Variants in TWSG1 observed in about 807,000 individuals in gnomAD.
The protein encoded by TWSG1 is twisted gastrulation protein homolog 1.
Under a neutral mutation model 23.0 loss-of-function variants are expected in TWSG1, and 15 were observed. That is an observed-to-expected ratio of 0.65 (90% confidence interval 0.44 to 1.00). The LOEUF (loss-of-function observed/expected upper bound fraction) is 1.00. TWSG1 is among the 50% of genes least tolerant of loss of function. The pLI is 0.00. For synonymous variants in TWSG1, 86 were observed against 92.8 expected (o/e 0.93, Z 0.42); for missense variants, 242 against 278.7 (o/e 0.87, Z 0.94).
In TWSG1 at chr18:9,364,859, T is replaced by C. The variant is rs551983330; in HGVS notation, c.223+4788T>C. Among the ~76,000 whole-genome samples, 4 of 152,282 alleles carry C rather than the reference T, an allele frequency of 2.6e-5. No homozygotes were observed. In the East Asian group the frequency reaches 7.7e-4, roughly 29 times the overall value. ...GATTTTCTATTTTTATCATTACTTC[T>C]GCAGTTATTAGCTGGAATTTTTCTG... On this transcript the variant is annotated intron_variant, in intron 3 of 4. Transcript: ENST00000262120.
At chr18:9,387,049 G>GAAGGAAGCAATAA (rs1341808644) in intron 3 of TWSG1, among the ~76,000 whole-genome samples, 1 of 152,222 alleles carries the variant, frequency 6.6e-6, no homozygotes, top group African/African-American at 2.4e-5. Context: ...AACATGGGTT[G>GAAGGAAGCAATAA]AAGGAAGCAA....
chr18:9,386,318 G>A (rs1378247716), intron 3 of TWSG1, among the ~76,000 whole-genome samples: 3 of 151,694 alleles, frequency 2.0e-5, no homozygotes, highest in African/African-American at 7.3e-5. Flanking sequence ...AAATTAGCCG[G>A]GCGTGGTAGT....
At chr18:9,359,516 A>G (rs1369133312) in intron 2 of TWSG1, among the ~76,000 whole-genome samples, 1 of 152,228 alleles carries the variant, frequency 6.6e-6, no homozygotes, top group Non-Finnish European at 1.5e-5. Context: ...ATAATCTACC[A>G]TACCAAGCAC....
intron 4 of TWSG1, among the ~76,000 whole-genome samples, chr18:9,398,064 A>G (rs971416083): frequency 1.3e-5 from 2 of 151,774 alleles, no homozygotes; most frequent in Non-Finnish European, 2.9e-5. Flanking sequence ...TTCGAACATT[A>G]ATAGTAAAAG....
intron 2 of TWSG1, among the ~76,000 whole-genome samples, chr18:9,351,622 G>GTTTTTTTTTTTTTTTTGTTTTTTT (rs2040502259): frequency 8.6e-6 from 1 of 116,608 alleles, no homozygotes; most frequent in African/African-American, 3.1e-5. Context: ...ACCATGCTGG[G>GTTTTTTTTTTTTTTTTGTTTTTTT]TTTTTTTTTT....
At chr18:9,365,167 A>G (rs2040572002) in intron 3 of TWSG1, among the ~76,000 whole-genome samples, 1 of 151,620 alleles carries the variant, frequency 6.6e-6, no homozygotes, top group Admixed American at 6.6e-5. Flanking sequence ...CCAAAAATAA[A>G]AATTAATTAG....
At chr18:9,383,817 A>G (rs1300161189) in intron 3 of TWSG1, among the ~76,000 whole-genome samples, 1 of 152,174 alleles carries the variant, frequency 6.6e-6, no homozygotes, top group Non-Finnish European at 1.5e-5. Flanking sequence ...GTGTTGAGTG[A>G]ATCTTTGATG....
At chr18:9,363,037 C>T (rs188212930) in intron 3 of TWSG1, among the ~76,000 whole-genome samples, 11 of 152,322 alleles carry the variant, frequency 7.2e-5, no homozygotes, top group Admixed American at 2.0e-4. Flanking sequence ...GCCGCTGCTC[C>T]TCCTTCCTAA....
chr18:9,336,324 G>A (rs1474047782), intron 1 of TWSG1, among the ~76,000 whole-genome samples: 1 of 151,900 alleles, frequency 6.6e-6, no homozygotes, highest in East Asian at 1.9e-4. Flanking sequence ...CCCGGGAGGC[G>A]GAGGTTGCAG....
intron 2 of TWSG1, among the ~76,000 whole-genome samples, chr18:9,338,127 G>A (rs1037220786): frequency 2.0e-5 from 3 of 152,192 alleles, no homozygotes; most frequent in Non-Finnish European, 4.4e-5. Context: ...TCTATGTAAA[G>A]TATGAGTCAG....
At chr18:9,345,432 C>G (rs1295842508) in intron 2 of TWSG1, among the ~76,000 whole-genome samples, 1 of 152,126 alleles carries the variant, frequency 6.6e-6, no homozygotes, top group African/African-American at 2.4e-5. Flanking sequence ...GGGAAGATCG[C>G]TTTAGCCCAG....
rs2040753905 is a variant in TWSG1 at position 9,399,622 on chromosome 18, GTAAGT to G, written c.*102_*106del. On this transcript the variant is annotated 3_prime_UTR_variant, in exon 5 of 5. Coordinates refer to ENST00000262120, the MANE Select transcript of TWSG1 (RefSeq NM_020648.6). ...GGTTGTATCTTGTATCAGAATCCCA[GTAAGT>G]TAAGTTGTAAAGACTTTGGAATAAG... 1 of 1,118,184 alleles carries G rather than the reference GTAAGT, an allele frequency of 8.9e-7. No individual in the cohort carries two copies. Among genetic ancestry groups the G allele is most frequent in the African/African-American group, 1.6e-5 (1 of 62,704 alleles). 69.3% of individuals were successfully genotyped at this position (1,118,184 alleles called of 1,614,324 possible). A position where few individuals can be genotyped will look rare whatever the true frequency, so the allele number is the denominator to read the frequency against.
intron 2 of TWSG1, among the ~76,000 whole-genome samples, chr18:9,344,626 T>A (rs111703660): frequency 3.3e-5 from 5 of 150,848 alleles, no homozygotes; most frequent in African/African-American, 1.2e-4. Flanking sequence ...CCTCCTGGAC[T>A]CAAGCAATCC....
intron 3 of TWSG1, among the ~76,000 whole-genome samples, chr18:9,387,367 G>A (rs1259684559): frequency 6.6e-6 from 1 of 152,172 alleles, no homozygotes; most frequent in African/African-American, 2.4e-5. Context: ...CACAGAAGTG[G>A]AGAGAATAGC....
intron 3 of TWSG1, among the ~76,000 whole-genome samples, chr18:9,386,709 A>T (rs1207097464): frequency 6.6e-6 from 1 of 152,200 alleles, no homozygotes; most frequent in Non-Finnish European, 1.5e-5. Flanking sequence ...GATGAGTGAA[A>T]AAAGACCTAC....
intron 3 of TWSG1, among the ~76,000 whole-genome samples, chr18:9,383,022 G>A (rs1205177191): frequency 6.6e-6 from 1 of 151,958 alleles, no homozygotes; most frequent in Non-Finnish European, 1.5e-5. Context: ...AGAAAGACCA[G>A]TATGGCTAGA....
At chr18:9,351,315 T>C (rs2040500893) in intron 2 of TWSG1, among the ~76,000 whole-genome samples, 1 of 152,164 alleles carries the variant, frequency 6.6e-6, no homozygotes, top group Admixed American at 6.5e-5. Context: ...TCCAAACACA[T>C]ACTACTCTTA....
At chr18:9,387,183 C>T (rs2040688570) in intron 3 of TWSG1, among the ~76,000 whole-genome samples, 1 of 152,158 alleles carries the variant, frequency 6.6e-6, no homozygotes, top group Non-Finnish European at 1.5e-5. Flanking sequence ...TCAAGCATAT[C>T]ATTGAGAAGC....
At chr18:9,352,702 A>C (rs1277436306) in intron 2 of TWSG1, among the ~76,000 whole-genome samples, 3 of 152,200 alleles carry the variant, frequency 2.0e-5, no homozygotes, top group East Asian at 3.8e-4. Flanking sequence ...AATCTCTCAG[A>C]TCTTTGCAAC....
Sources: allele counts gnomAD v4.1 joint callset (sites outside exome capture counted in the v4.1 genomes callset), GRCh38; gene constraint gnomAD v4.1.1; transcripts MANE v1.5; gene names NCBI Gene and HGNC (gene_info 2026-07-23, HGNC 2026-07-21).